ZNF532: variants seen among roughly 807,000 people sequenced by gnomAD.
The protein encoded by ZNF532 is zinc finger protein 532.
ZNF532 carries 22 observed loss-of-function variants against 89.3 expected under a neutral mutation model. The observed-to-expected ratio is 0.25, with a 90% CI of 0.18 to 0.35. The LOEUF (loss-of-function observed/expected upper bound fraction) is 0.35, where lower values mean the gene tolerates loss of function less well. Ranked by LOEUF, ZNF532 falls within the 10% of genes least tolerant of loss-of-function variation. The pLI is 1.00. For synonymous variants in ZNF532, 606 were observed against 649.6 expected (o/e 0.93, Z 1.02); for missense variants, 1,132 against 1,643.4 (o/e 0.69, Z 5.38).
intron 6 of ZNF532, 87 bp from the exon 7 acceptor site, chr18:58,953,431 T>C: frequency 4.3e-6 from 5 of 1,166,382 alleles, no homozygotes; most frequent in Non-Finnish European, 6.1e-6. Context: ...GGTGTTGAAA[T>C]GTGTACCACA....
chr18:58,902,173 C>G (rs2059646128), intron 2 of ZNF532, among the ~76,000 whole-genome samples: 1 of 152,078 alleles, frequency 6.6e-6, no homozygotes, highest in Non-Finnish European at 1.5e-5. Context: ...GAGCCCGGCC[C>G]TGTGCAGCGG....
At chr18:58,961,110 G>A (rs1319635267) in intron 7 of ZNF532, among the ~76,000 whole-genome samples, 2 of 152,116 alleles carry the variant, frequency 1.3e-5, no homozygotes, top group Admixed American at 6.5e-5. Context: ...TGGAGTGTGC[G>A]TCAGAATTAA....
At chr18:58,922,611 T>G (rs776851555) in intron 3 of ZNF532, among the ~76,000 whole-genome samples, 17 of 152,222 alleles carry the variant, frequency 1.1e-4, no homozygotes, top group Non-Finnish European at 2.1e-4. Context: ...TTGACACCGC[T>G]TCATCAAAGG....
intron 2 of ZNF532, among the ~76,000 whole-genome samples, chr18:58,883,702 G>C (rs1473815434): frequency 6.6e-6 from 1 of 152,114 alleles, no homozygotes; most frequent in Non-Finnish European, 1.5e-5. Flanking sequence ...TTGGTTGTGG[G>C]GAGGGCTGTC....
intron 5 of ZNF532, among the ~76,000 whole-genome samples, chr18:58,944,360 C>T (rs926052603): frequency 6.6e-6 from 1 of 151,796 alleles, no homozygotes; most frequent in Non-Finnish European, 1.5e-5. Context: ...CTCTCCTCCT[C>T]TCTCTCTTCC....
intron 2 of ZNF532, among the ~76,000 whole-genome samples, chr18:58,903,078 A>G (rs1015807920): frequency 6.6e-6 from 1 of 152,162 alleles, no homozygotes; most frequent in African/African-American, 2.4e-5. Context: ...TGTGCTTGGC[A>G]CTTTCCATGT....
At chr18:58,913,335 T>C (rs1348842963) in intron 2 of ZNF532, among the ~76,000 whole-genome samples, 1 of 152,244 alleles carries the variant, frequency 6.6e-6, no homozygotes, top group African/African-American at 2.4e-5. Flanking sequence ...TAGATTCATT[T>C]TCTAAGAGGA....
intron 5 of ZNF532, among the ~76,000 whole-genome samples, chr18:58,945,539 C>G (rs1026344290): frequency 8.5e-5 from 13 of 152,198 alleles, no homozygotes; most frequent in Non-Finnish European, 1.3e-4. Flanking sequence ...CTGTTTTACA[C>G]TTCCTGTTGT....
At chr18:58,890,250 T>TTA (rs922289211) in intron 2 of ZNF532, among the ~76,000 whole-genome samples, 31 of 150,814 alleles carry the variant, frequency 2.1e-4, no homozygotes, top group East Asian at 3.9e-4. Flanking sequence ...TATATATGAG[T>TTA]TATATATATA....
At chr18:58,974,439 A>AG (rs2066817969) in intron 7 of ZNF532, among the ~76,000 whole-genome samples, 1 of 152,200 alleles carries the variant, frequency 6.6e-6, no homozygotes, top group Admixed American at 6.5e-5. Flanking sequence ...GTATTTAGCC[A>AG]GTTCTCCTTT....
chr18:58,929,243 C>G (rs138454669), intron 3 of ZNF532, among the ~76,000 whole-genome samples: 3 of 152,134 alleles, frequency 2.0e-5, no homozygotes, highest in African/African-American at 7.2e-5. Context: ...GGGTTACTTC[C>G]GAGTCACCTT....
intron 3 of ZNF532, among the ~76,000 whole-genome samples, chr18:58,932,823 A>G (rs1192995133): frequency 6.6e-6 from 1 of 152,178 alleles, no homozygotes. Context: ...ATATATTTTA[A>G]TATAATATGT....
intron 6 of ZNF532, among the ~76,000 whole-genome samples, chr18:58,952,902 G>A (rs540669725): frequency 5.9e-5 from 9 of 152,300 alleles, no homozygotes; most frequent in Non-Finnish European, 1.2e-4. Flanking sequence ...AGTATCTAAT[G>A]TGTGTAGTTC....
rs748177378 is a variant in ZNF532, at chr18:58,981,484, C to T, written c.3278C>T (p.Ser1093Phe). 3.7e-6 allele frequency: 6 copies of T among 1,612,824 alleles called. No homozygotes were observed. The African/African-American group carries it at 4.0e-5, about 11-fold the overall frequency. The change falls in exon 9 of 10, where the codon TCC (serine) becomes TTC (phenylalanine). Residue 1093 changes from serine (S) to phenylalanine (F), a missense_variant. Ser to Phe is a radical substitution (Grantham distance 155). Coordinates refer to ENST00000591808, the MANE Select transcript of ZNF532 (RefSeq NM_001375912.1). Reference protein sequence around the residue: ...KVYACSHCPDSRRTFTKRLML... With the variant: ...KVYACSHCPDFRRTFTKRLML... ...TCACCCCACAGGCACTGCCCAGACT[C>T]CAGACGTACCTTTACCAAACGTTTG...
At chr18:58,972,215 AAAC>A (rs953788642) in intron 7 of ZNF532, among the ~76,000 whole-genome samples, 11 of 152,352 alleles carry the variant, frequency 7.2e-5, no homozygotes, top group African/African-American at 2.6e-4. Flanking sequence ...ACAAACAAGA[AAAC>A]AACTGTCAGT....
At chr18:58,963,771 G>T (rs1233135091) in intron 7 of ZNF532, among the ~76,000 whole-genome samples, 2 of 145,756 alleles carry the variant, frequency 1.4e-5, no homozygotes, top group South Asian at 4.3e-4. Context: ...GCAGTGAGCC[G>T]CAGTCGTGTC....
At chr18:58,973,865 G>A (rs922293872) in intron 7 of ZNF532, among the ~76,000 whole-genome samples, 1 of 152,170 alleles carries the variant, frequency 6.6e-6, no homozygotes, top group Non-Finnish European at 1.5e-5. Flanking sequence ...GTATTATGCT[G>A]AGTGAAAGAA....
intron 2 of ZNF532, among the ~76,000 whole-genome samples, chr18:58,897,774 G>A (rs1230990662): frequency 1.3e-5 from 2 of 152,150 alleles, no homozygotes; most frequent in African/African-American, 2.4e-5. Context: ...CCAACATGGC[G>A]AATCCCCATC....
Position 58,919,964 on chromosome 18 carries a change from A to G in ZNF532, c.1677A>G (p.Ala559=). ...QQIKQAIINA[A]ASQPPKKVSR... ...TAAAGCAGGCAATAATCAATGCAGC[A>G]GCCTCGCAACCCCCCAAAAAGGTGT... The change falls in exon 3 of 10, where the codon GCA becomes GCG. Residue 559 remains alanine (A), a synonymous_variant. Transcript: ENST00000591808. This position sits in a 1 kb window ranked among gnomAD's most constrained non-coding sequence, Gnocchi z 6.1. 6.2e-7 allele frequency: 1 copy of G among 1,613,882 alleles called. No homozygotes were observed. Among genetic ancestry groups the G allele is most frequent in the Non-Finnish European group, 8.5e-7 (1 of 1,179,822 alleles).
Sources: allele counts gnomAD v4.1 joint callset (sites outside exome capture counted in the v4.1 genomes callset), GRCh38; gene constraint gnomAD v4.1.1; non-coding constraint Gnocchi (gnomAD v3.1); transcripts MANE v1.5; gene names NCBI Gene and HGNC (gene_info 2026-07-23, HGNC 2026-07-21).